Variants in RYR3 observed in about 807,000 individuals in gnomAD.
RYR3 encodes brain ryanodine receptor-calcium release channel.
A neutral mutation model predicts 584.3 loss-of-function variants in RYR3; 207 were observed. That is an observed-to-expected ratio of 0.35 (90% confidence interval 0.32 to 0.40). The LOEUF (loss-of-function observed/expected upper bound fraction) is 0.40, where lower values mean the gene tolerates loss of function less well. Among genes scored for constraint, RYR3 ranks in the 10% least tolerant of loss-of-function variants. RYR3 has a pLI of 1.00. For missense variants in RYR3, 5,616 were observed against 6,089.2 expected (o/e 0.92, Z 2.59); for synonymous variants, 2,416 against 2,248.5 (o/e 1.07, Z -2.11).
chr15:33,525,205 G>A (rs958784671), intron 3 of RYR3, among the ~76,000 whole-genome samples: 9 of 151,926 alleles, frequency 5.9e-5, no homozygotes, highest in East Asian at 1.9e-4. Context: ...TAATAACCCC[G>A]CCTTTCTCCT....
chr15:33,334,938 C>T (rs1009694865), intron 1 of RYR3, among the ~76,000 whole-genome samples: 8 of 152,152 alleles, frequency 5.3e-5, no homozygotes, highest in African/African-American at 1.9e-4. Context: ...CTCAACATTA[C>T]TGATCATTAG....
intron 28 of RYR3, 80 bp downstream of exon 28, chr15:33,644,599 G>A (rs1009717942): frequency 9.5e-7 from 1 of 1,052,210 alleles, no homozygotes; most frequent in Admixed American, 2.0e-5. Context: ...CCTGTCAACA[G>A]GCAGCTGCTT....
intron 1 of RYR3, among the ~76,000 whole-genome samples, chr15:33,468,921 C>T (rs530066423): frequency 3.3e-5 from 5 of 152,142 alleles, no homozygotes; most frequent in South Asian, 2.1e-4. Flanking sequence ...AGGCAAGTTA[C>T]GTAACTGCTC....
intron 1 of RYR3, among the ~76,000 whole-genome samples, chr15:33,351,326 G>C (rs1469657263): frequency 1.3e-5 from 2 of 152,168 alleles, no homozygotes; most frequent in African/African-American, 4.8e-5. Context: ...ATTTCTACCA[G>C]AGATACAAGG....
intron 89 of RYR3, among the ~76,000 whole-genome samples, chr15:33,840,040 C>T (rs1312619190): frequency 6.6e-6 from 1 of 152,134 alleles, no homozygotes; most frequent in African/African-American, 2.4e-5. Flanking sequence ...TGGGAGAAGA[C>T]AACAAATAAG....
chr15:33,647,350 A>T, intron 29 of RYR3, 74 bp from the exon 30 acceptor site: 1 of 1,201,806 alleles, frequency 8.3e-7, no homozygotes, highest in African/African-American at 1.5e-5. Flanking sequence ...TTGAAGGTAG[A>T]TCAAGTTGCC....
intron 92 of RYR3, 55 bp downstream of exon 92, chr15:33,843,629 T>C (rs892730889): frequency 3.1e-5 from 34 of 1,112,090 alleles, no homozygotes; most frequent in Middle Eastern, 3.9e-4. Flanking sequence ...AAGTATGCTA[T>C]GTGTAGAAAA....
intron 16 of RYR3, among the ~76,000 whole-genome samples, chr15:33,589,567 T>C (rs1023637031): frequency 6.6e-6 from 1 of 152,246 alleles, no homozygotes; most frequent in South Asian, 2.1e-4. Context: ...TCCCTAGATT[T>C]ACTTCTAGGA....
At chr15:33,400,698 A>G (rs1308632972) in intron 1 of RYR3, among the ~76,000 whole-genome samples, 1 of 152,222 alleles carries the variant, frequency 6.6e-6, no homozygotes, top group Non-Finnish European at 1.5e-5. Context: ...TAGAGTCTTA[A>G]AACTGGCTTC....
At chr15:33,454,304 C>T (rs1268205715) in intron 1 of RYR3, among the ~76,000 whole-genome samples, 1 of 152,188 alleles carries the variant, frequency 6.6e-6, no homozygotes, top group Non-Finnish European at 1.5e-5. Flanking sequence ...CTGTTTAAAC[C>T]TGACTGTTAT....
chr15:33,455,033 A>AGTAC (rs574307356), intron 1 of RYR3, among the ~76,000 whole-genome samples: 97 of 152,336 alleles, frequency 6.4e-4, no homozygotes, highest in African/African-American at 2.2e-3. Context: ...GGGCTCAGTA[A>AGTAC]GGAAGCTATT....
In RYR3 at chr15:33,756,351, A is replaced by G; in HGVS notation, c.8561A>G (p.Gln2854Arg). Residue 2854 changes from glutamine to arginine, a missense_variant, in exon 59 of 104, where the codon CAG becomes CGG. Around this residue, in one of 9 missense-constraint regions of RYR3, gnomAD observed 1,280 missense variants for 1,426.2 expected, o/e 0.90. Coordinates refer to ENST00000634891, the MANE Select transcript of RYR3 (RefSeq NM_001036.6). ...AAAACTGAAAAGTCTCCCCGTGACC[A>G]GGAGATCAAATTCTTTGCCAAAGTA... ...SGKTEKSPRD[Q>R]EIKFFAKVLL... 1.9e-6 allele frequency: 3 copies of G among 1,578,288 alleles called. No homozygotes were observed. Among genetic ancestry groups the G allele is most frequent in the Non-Finnish European group, 2.6e-6 (3 of 1,161,020 alleles).
rs1411639902 is a variant in RYR3 at position 33,566,754 on chromosome 15, C to T, written c.1223C>T (p.Ala408Val). 2 of 1,613,752 alleles carry T rather than the reference C, an allele frequency of 1.2e-6. No homozygotes were observed. Among genetic ancestry groups the T allele is most frequent in the African/African-American group, 2.7e-5 (2 of 75,022 alleles). Residue 408 changes from alanine to valine, a missense_variant, in exon 12 of 104, where the codon GCT becomes GTT. Around this residue, in one of 9 missense-constraint regions of RYR3, gnomAD observed 1,284 missense variants for 1,344.6 expected, o/e 0.95. Transcript: ENST00000634891. ...QRCQREESQA[A>V]RIIRNTTALF... ...TGCCAGCGTGAGGAGTCCCAGGCTG[C>T]TCGGATCATCCGGAACACTACAGCC... is the stretch of plus-strand genomic sequence containing the variant.
chr15:33,637,950 CG>C (rs1193799666), intron 27 of RYR3, among the ~76,000 whole-genome samples: 11 of 152,120 alleles, frequency 7.2e-5, no homozygotes, highest in Non-Finnish European at 1.0e-4. Context: ...TATCCCTCCC[CG>C]CTCCCCCCAT....
intron 2 of RYR3, among the ~76,000 whole-genome samples, chr15:33,484,258 A>T (rs919578446): frequency 6.7e-6 from 1 of 149,138 alleles, no homozygotes; most frequent in Admixed American, 6.8e-5. Context: ...AAAAGTTTTC[A>T]TAAGAGACAC....
chr15:33,826,230 T>A, intron 82 of RYR3, 22 bp from the exon 83 acceptor site: 1 of 1,612,816 alleles, frequency 6.2e-7, no homozygotes, highest in Non-Finnish European at 8.5e-7. Context: ...TTTCTATTCT[T>A]CTGTTTTTCT....
intron 1 of RYR3, among the ~76,000 whole-genome samples, chr15:33,341,011 C>T (rs1971749834): frequency 6.6e-6 from 1 of 152,102 alleles, no homozygotes; most frequent in South Asian, 2.1e-4. Context: ...TGCTAAGCCC[C>T]ATCCCCAGAG....
At chr15:33,631,690 C>T (rs1595897714) in intron 23 of RYR3, among the ~76,000 whole-genome samples, 1 of 152,198 alleles carries the variant, frequency 6.6e-6, no homozygotes, top group African/African-American at 2.4e-5. Flanking sequence ...TGCCACCATT[C>T]GTTTGACCTC....
chr15:33,389,441 T>C (rs1008529733), intron 1 of RYR3, among the ~76,000 whole-genome samples: 1 of 152,208 alleles, frequency 6.6e-6, no homozygotes, highest in Non-Finnish European at 1.5e-5. Flanking sequence ...TACTAGGGAA[T>C]AACAGCAGCT....
Sources: allele counts gnomAD v4.1 joint callset (sites outside exome capture counted in the v4.1 genomes callset), GRCh38; gene constraint gnomAD v4.1.1; regional missense constraint gnomAD v4.1.1; transcripts MANE v1.5; gene names NCBI Gene and HGNC (gene_info 2026-07-23, HGNC 2026-07-21).